The following CLEC4A variants were observed in gnomAD, a reference collection of about 807,000 sequenced individuals.
The protein encoded by CLEC4A is C-type (calcium dependent, carbohydrate-recognition domain) lectin, superfamily member 6.
Under a neutral mutation model 32.7 loss-of-function variants are expected in CLEC4A, and 27 were observed. The observed-to-expected ratio is 0.83, with a 90% CI of 0.61 to 1.14. The LOEUF (loss-of-function observed/expected upper bound fraction) is 1.14, where lower values mean the gene tolerates loss of function less well. Among genes scored for constraint, CLEC4A ranks in the 50% most tolerant of loss-of-function variants. The pLI is 0.00. For synonymous variants in CLEC4A, 89 were observed against 93.7 expected (o/e 0.95, Z 0.29); for missense variants, 253 against 274.6 (o/e 0.92, Z 0.55).
the CLEC4A span, among the ~76,000 whole-genome samples, chr12:8,115,535 A>G: frequency 6.6e-6 from 1 of 152,174 alleles, no homozygotes. Flanking sequence ...CTTTCCTTGT[A>G]GCATCTGTAG....
At chr12:8,115,618 A>G in the CLEC4A span, among the ~76,000 whole-genome samples, 1 of 152,188 alleles carries the variant, frequency 6.6e-6, no homozygotes. Flanking sequence ...TGCAGGGTAA[A>G]TGGTAGGCCA....
rs116222680 is a variant in CLEC4A at position 8,132,330 on chromosome 12, G to T, written c.298+2968G>T. 8.5e-3 allele frequency among the ~76,000 whole-genome samples: 1,291 copies of T among 152,246 alleles called. 23 individuals carry two copies. Among genetic ancestry groups the T allele is most frequent in the African/African-American group, 0.03 (1,226 of 41,540 alleles). On this transcript the variant is annotated intron_variant, in intron 3 of 5. Coordinates refer to ENST00000229332, the MANE Select transcript of CLEC4A (RefSeq NM_016184.4). The stretch of plus-strand genomic sequence containing the variant: ...TGGAGAATAGTGTCCTATGAAATTT[G>T]ATAATTTGTATTGTCATTTTCATTC...
intron 3 of CLEC4A, among the ~76,000 whole-genome samples, chr12:8,132,240 A>G (rs1442136724): frequency 1.3e-5 from 2 of 152,104 alleles, no homozygotes; most frequent in Non-Finnish European, 2.9e-5. Context: ...TGAGACTCAC[A>G]TTGTACATTT....
the CLEC4A span, among the ~76,000 whole-genome samples, chr12:8,116,242 G>T: frequency 6.6e-6 from 1 of 152,086 alleles, no homozygotes; most frequent in African/African-American, 2.4e-5. Context: ...GATTACAGGT[G>T]TGAGCCACCG....
intron 2 of CLEC4A, among the ~76,000 whole-genome samples, chr12:8,128,757 G>T: frequency 6.6e-6 from 1 of 152,178 alleles, no homozygotes; most frequent in East Asian, 1.9e-4. Flanking sequence ...ACATGAGAGC[G>T]TTGGTGTGCT....
At chr12:8,111,018 T>C in the CLEC4A span, among the ~76,000 whole-genome samples, 2 of 149,724 alleles carry the variant, frequency 1.3e-5, no homozygotes, top group African/African-American at 4.9e-5. Flanking sequence ...GGACTACAGG[T>C]GCCCACCACC....
intron 3 of CLEC4A, among the ~76,000 whole-genome samples, chr12:8,130,558 A>C (rs186149449): frequency 6.4e-4 from 97 of 151,438 alleles, no homozygotes; most frequent in African/African-American, 2.3e-3. Flanking sequence ...TATTTTTTGA[A>C]TTTTTGTAGA....
At chr12:8,135,476 G>A in intron 3 of CLEC4A, 109 bp from the exon 4 acceptor site, 2 of 1,118,968 alleles carry the variant, frequency 1.8e-6, no homozygotes. Flanking sequence ...GAGTGTGGAG[G>A]GGAGTTCCAG....
the CLEC4A span, among the ~76,000 whole-genome samples, chr12:8,103,373 GTTGTTTTTTTT>G: frequency 2.4e-4 from 19 of 78,024 alleles, 2 homozygotes; most frequent in South Asian, 4.2e-4. Flanking sequence ...GTTTCTTTCT[GTTGTTTTTTTT>G]TTTTTTTTTT....
At chr12:8,136,423 G>A (rs1948116593) in intron 4 of CLEC4A, among the ~76,000 whole-genome samples, 1 of 152,096 alleles carries the variant, frequency 6.6e-6, no homozygotes, top group Non-Finnish European at 1.5e-5. Flanking sequence ...AAATTAGCCA[G>A]GCATGGTGGC....
rs59112528 is a variant in CLEC4A at position 8,127,001 on chromosome 12, A to G, written c.199+1324A>G. Among the ~76,000 whole-genome samples the G allele has an allele frequency of 2.7e-3, 407 of 152,308 alleles. 2 individuals are homozygous for G. The highest frequency in any genetic ancestry group is 9.4e-3 in the African/African-American group (391 of 41,570). The stretch of plus-strand genomic sequence containing the variant: ...TTCCCTCCTAAAGGTTATTTTATCA[A>G]TTATCTTTTGCTGGTTAATAAGCCA... On this transcript the variant is annotated intron_variant, in intron 2 of 5. Coordinates refer to ENST00000229332, the MANE Select transcript of CLEC4A (RefSeq NM_016184.4).
intron 3 of CLEC4A, 110 bp from the exon 4 acceptor site, chr12:8,135,475 G>T: frequency 9.1e-7 from 1 of 1,104,142 alleles, no homozygotes; most frequent in East Asian, 2.5e-5. Context: ...TGAGTGTGGA[G>T]GGGAGTTCCA....
rs1947856277 is a variant in CLEC4A, at chr12:8,123,800, G to A, written c.-79G>A. Reference sequence around the variant, plus strand: ...AAGGAAGGAGGTAATTTACCACCATGTTTGGTTCCTGTTTATAAGATGTTT... The same window carrying A: ...AAGGAAGGAGGTAATTTACCACCATATTTGGTTCCTGTTTATAAGATGTTT... On this transcript the variant is annotated 5_prime_UTR_variant, in exon 1 of 6. The change abolishes an upstream ATG in the 5' untranslated region. Transcript: ENST00000229332. The A allele has an allele frequency of 1.0e-6, 1 of 988,560 alleles. No individual in the cohort carries two copies. The highest frequency in any genetic ancestry group is 1.6e-6 in the Non-Finnish European group (1 of 621,730). 61.2% of individuals were successfully genotyped at this position (988,560 alleles called of 1,614,324 possible).
chr12:8,107,582 C>T, the CLEC4A span, among the ~76,000 whole-genome samples: 2 of 152,062 alleles, frequency 1.3e-5, no homozygotes, highest in South Asian at 2.1e-4. Context: ...TTCAGGGATT[C>T]AATTTCTTCC....
the CLEC4A span, among the ~76,000 whole-genome samples, chr12:8,107,136 G>T: frequency 6.6e-6 from 1 of 152,152 alleles, no homozygotes; most frequent in South Asian, 2.1e-4. Context: ...AGATGATTGT[G>T]TGGCTTTTGT....
chr12:8,124,736 C>T (rs982140173), intron 1 of CLEC4A, among the ~76,000 whole-genome samples: 2 of 152,062 alleles, frequency 1.3e-5, no homozygotes, highest in African/African-American at 4.8e-5. Flanking sequence ...ATTTTTTCTC[C>T]TTAAAAACTT....
Position 8,135,668 on chromosome 12 carries a change from C to G in CLEC4A, c.382C>G (p.Gln128Glu). 1 of 1,614,174 alleles carries G rather than the reference C, an allele frequency of 6.2e-7. No homozygotes were observed. The highest frequency in any genetic ancestry group is 8.5e-7 in the Non-Finnish European group (1 of 1,179,998). ...YFISTESASWQDSEKDCARME... is the reference protein window; with the variant it reads ...YFISTESASWEDSEKDCARME... ...TATTTCTACTGAATCAGCATCTTGG[C>G]AAGACAGTGAGAAGGACTGTGCTAG... Residue 128 changes from glutamine to glutamate, a missense_variant, in exon 4 of 6, where the codon CAA becomes GAA. Coordinates refer to ENST00000229332, the MANE Select transcript of CLEC4A (RefSeq NM_016184.4).
chr12:8,138,396 T>G lies in CLEC4A; in HGVS notation c.*109T>G. 4 of 1,281,774 alleles carry G rather than the reference T, an allele frequency of 3.1e-6. No homozygotes were observed. The highest frequency in any genetic ancestry group is 4.4e-6 in the Non-Finnish European group (4 of 913,886). 79.4% of individuals were successfully genotyped at this position (1,281,774 alleles called of 1,614,324 possible). ...AGGGAGGTCCATAGAATTTAGGTGG[T>G]CTGTCAACTATTCTACTTATGAGAG... On this transcript the variant is annotated 3_prime_UTR_variant, in exon 6 of 6. Coordinates refer to ENST00000229332, the MANE Select transcript of CLEC4A (RefSeq NM_016184.4).
chr12:8,133,247 C>T (rs113173432), intron 3 of CLEC4A, among the ~76,000 whole-genome samples: 5,014 of 152,014 alleles, frequency 0.033, 293 homozygotes, highest in African/African-American at 0.11. Context: ...GACAGGGTTT[C>T]GCCATGTTGG....
Sources: allele counts gnomAD v4.1 joint callset (sites outside exome capture counted in the v4.1 genomes callset), GRCh38; gene constraint gnomAD v4.1.1; transcripts MANE v1.5; gene names NCBI Gene and HGNC (gene_info 2026-07-23, HGNC 2026-07-21).